Variants in SCARB2 observed in about 807,000 individuals in gnomAD.
The protein encoded by SCARB2 is lysosome membrane protein 2.
In SCARB2, 29 loss-of-function variants were observed where a neutral mutation model predicts 58.6. The ratio of observed to expected loss-of-function variants is 0.49; its 90% CI spans 0.37 to 0.67. SCARB2 has a LOEUF of 0.67. Among genes scored for constraint, SCARB2 ranks in the 30% least tolerant of loss-of-function variants. The pLI, the probability that SCARB2 is intolerant of heterozygous loss-of-function variation, is 0.00. For missense variants in SCARB2, 488 were observed against 578.5 expected (o/e 0.84, Z 1.60); for synonymous variants, 195 against 210.1 (o/e 0.93, Z 0.62).
At chr4:76,216,540 C>G (rs1023885031), upstream of SCARB2, among the ~76,000 whole-genome samples, 3 of 152,184 alleles carry the variant, frequency 2.0e-5, no homozygotes, top group African/African-American at 7.2e-5. Context: ...CTTCTTCTCT[C>G]TTGTCTGGGC....
Position 76,161,326 on chromosome 4 carries a change from A to T in SCARB2, c.*387T>A, listed in dbSNP as rs1417735343. 2 of 253,216 alleles carry T rather than the reference A, an allele frequency of 7.9e-6. No homozygotes were observed. The highest frequency in any genetic ancestry group is 1.8e-4 in the East Asian group (2 of 10,998). The allele number at this position is 253,216 out of a possible 1,614,324, so 15.7% of individuals were successfully genotyped here. A position where few individuals can be genotyped will look rare whatever the true frequency, so the allele number is the denominator to read the frequency against. ...AATGGTATATACGCATTTTGAGCAC[A>T]AAGTTCGGTGAATGAAGCATACTGA... is the stretch of plus-strand genomic sequence containing the variant. On this transcript the variant is annotated 3_prime_UTR_variant, in exon 12 of 12. Transcript: ENST00000264896.
intron 2 of SCARB2, among the ~76,000 whole-genome samples, chr4:76,189,603 C>T (rs1302415378): frequency 6.6e-6 from 1 of 152,000 alleles, no homozygotes; most frequent in Non-Finnish European, 1.5e-5. Flanking sequence ...CTGCCTTAGC[C>T]GGTGTGTGCC....
chr4:76,233,603 CAT>C (rs982087699), intron 1 of SCARB2, among the ~76,000 whole-genome samples: 1 of 126,294 alleles, frequency 7.9e-6, no homozygotes, highest in African/African-American at 2.9e-5. Flanking sequence ...CACACACACA[CAT>C]ATGTAACTGA....
Position 76,181,363 on chromosome 4 carries a change from C to CA in SCARB2, c.276-263dup, listed in dbSNP as rs558389770. Among the ~76,000 whole-genome samples the CA allele has an allele frequency of 1.8e-3, 270 of 152,256 alleles. 1 individual carries two copies. Among genetic ancestry groups the CA allele is most frequent in the Non-Finnish European group, 2.4e-3 (162 of 68,020 alleles). On this transcript the variant is annotated intron_variant, in intron 2 of 11. Coordinates refer to ENST00000264896, the MANE Select transcript of SCARB2 (RefSeq NM_005506.4). ...TTAGGGAGGTGCAATAGTTGAGGGT[C>CA]ACCTTGACCGGGAATCAAAGCCGAT...
chr4:76,179,351 G>A lies in SCARB2; in HGVS notation c.612+166C>T, dbSNP rs756390043. The A allele has an allele frequency of 2.2e-4, 139 of 627,726 alleles. 1 individual carries two copies. Among genetic ancestry groups the A allele is most frequent in the Non-Finnish European group, 2.3e-4 (83 of 356,244 alleles). 38.9% of individuals were successfully genotyped at this position (627,726 alleles called of 1,614,324 possible). A position where few individuals can be genotyped will look rare whatever the true frequency, so the allele number is the denominator to read the frequency against. ...TTACAGGCATTAGCCACCGCACCCG[G>A]CCTCAAGTTTTTTTTCTTTCCAAAA... On this transcript the variant is annotated intron_variant, in intron 4 of 11. Transcript: ENST00000264896.
chr4:76,174,428 A>C (rs1732203077), intron 6 of SCARB2, 115 bp from the exon 7 acceptor site: 5 of 878,572 alleles, frequency 5.7e-6, no homozygotes, highest in South Asian at 4.1e-5. Context: ...TCACAGGGTA[A>C]GTAGAAAGGA....
chr4:76,162,066 T>G (rs1407779587), intron 11 of SCARB2: 16 of 436,244 alleles, frequency 3.7e-5, no homozygotes, highest in Non-Finnish European at 6.4e-5. Context: ...TAAGGAGTAG[T>G]GTCTCAGAGG....
chr4:76,175,594 A>C, intron 6 of SCARB2, 197 bp downstream of exon 6: 5 of 664,218 alleles, frequency 7.5e-6, no homozygotes, highest in Non-Finnish European at 1.3e-5. Context: ...GGTAGAGCCA[A>C]GATTCAAACC....
chr4:76,167,082 A>G (rs974619398), intron 9 of SCARB2, among the ~76,000 whole-genome samples: 13 of 152,222 alleles, frequency 8.5e-5, no homozygotes, highest in Non-Finnish European at 1.8e-4. Flanking sequence ...TATCTAAAAA[A>G]TTCCCATTGA....
rs751827409 is a variant in SCARB2 at position 76,163,352 on chromosome 4, C to A, written c.1271G>T (p.Arg424Leu). Residue 424 changes from arginine to leucine, a missense_variant, in exon 11 of 12, where the codon CGA becomes CTA. Arg to Leu is a moderately radical substitution (Grantham distance 102). Coordinates refer to ENST00000264896, the MANE Select transcript of SCARB2 (RefSeq NM_005506.4). ...AGTAGTGTTAATCATAGACTTCAGTCGACTCGCCGTCTCTTTATCAATGTG... is the reference window on the plus strand; with the variant it reads ...AGTAGTGTTAATCATAGACTTCAGTAGACTCGCCGTCTCTTTATCAATGTG... ...SVHIDKETAS[R>L]LKSMINTTLI... The A allele has an allele frequency of 1.2e-6, 2 of 1,613,982 alleles. No individual in the cohort carries two copies. Among genetic ancestry groups the A allele is most frequent in the African/African-American group, 2.7e-5 (2 of 74,910 alleles).
Position 76,173,966 on chromosome 4 carries a change from G to A in SCARB2, c.994+178C>T, listed in dbSNP as rs537535206. The A allele has an allele frequency of 4.3e-4, 297 of 696,088 alleles. 4 individuals carry two copies. Among genetic ancestry groups the A allele is most frequent in the South Asian group, 3.7e-3 (212 of 57,596 alleles). The allele number at this position is 696,088 out of a possible 1,614,324, so 43.1% of individuals were successfully genotyped here. A position where few individuals can be genotyped will look rare whatever the true frequency, so the allele number is the denominator to read the frequency against. On this transcript the variant is annotated intron_variant, in intron 7 of 11. Coordinates refer to ENST00000264896, the MANE Select transcript of SCARB2 (RefSeq NM_005506.4). Reference sequence around the variant, plus strand: ...TTTGTTTTTTAGAGACAGTGGTCTCGCCATGTTGCCCAGGATGGACTTGAG... The same window carrying A: ...TTTGTTTTTTAGAGACAGTGGTCTCACCATGTTGCCCAGGATGGACTTGAG...
chr4:76,166,331 G>C, intron 9 of SCARB2, 30 bp from the exon 10 acceptor site: 1 of 1,607,190 alleles, frequency 6.2e-7, no homozygotes, highest in Non-Finnish European at 8.5e-7. Context: ...GATTGTTTCA[G>C]AAACATCCTC....
At chr4:76,221,655 CAG>C (rs1393056663) in intron 1 of SCARB2, among the ~76,000 whole-genome samples, 1 of 152,268 alleles carries the variant, frequency 6.6e-6, no homozygotes, top group East Asian at 1.9e-4. Context: ...ACTGCAAAAA[CAG>C]AGAAAAAATA....
chr4:76,167,681 CCGCT>C (rs1456400272), intron 9 of SCARB2, among the ~76,000 whole-genome samples: 5 of 121,128 alleles, frequency 4.1e-5, no homozygotes, highest in African/African-American at 1.9e-4. Context: ...CTCCCCCCCC[CCGCT>C]TTTTTTTTTT....
At chr4:76,169,056 G>A (rs1489659776) in intron 8 of SCARB2, among the ~76,000 whole-genome samples, 1 of 152,190 alleles carries the variant, frequency 6.6e-6, no homozygotes, top group Non-Finnish European at 1.5e-5. Context: ...CTGATCCAAG[G>A]GAACTGATCA....
intron 1 of SCARB2, among the ~76,000 whole-genome samples, chr4:76,225,411 C>A (rs1337913171): frequency 6.6e-6 from 1 of 152,164 alleles, no homozygotes; most frequent in Admixed American, 6.5e-5. Flanking sequence ...CTGGCTGGGA[C>A]TTCTAGTACA....
upstream of SCARB2, among the ~76,000 whole-genome samples, chr4:76,218,137 G>GCCCT (rs1733246497): frequency 6.6e-6 from 1 of 152,188 alleles, no homozygotes; most frequent in East Asian, 1.9e-4. Flanking sequence ...AATGGAAATG[G>GCCCT]CCCTAGGCCT....
chr4:76,201,159 C>G (rs1324049619), intron 1 of SCARB2, among the ~76,000 whole-genome samples: 2 of 152,126 alleles, frequency 1.3e-5, no homozygotes, highest in Admixed American at 1.3e-4. Context: ...CAGCCAGTGC[C>G]TTGGCCTGAG....
chr4:76,200,172 A>G (rs889626509), intron 1 of SCARB2, among the ~76,000 whole-genome samples: 48 of 152,296 alleles, frequency 3.2e-4, no homozygotes, highest in African/African-American at 1.2e-3. Context: ...GATCTTCCTC[A>G]CCGAGGGTTC....
Sources: gnomAD v4.1 joint callset for allele counts (sites outside exome capture counted in the v4.1 genomes callset) on GRCh38, gnomAD v4.1.1 for gene constraint, MANE v1.5 for transcripts, NCBI Gene and HGNC (gene_info 2026-07-23, HGNC 2026-07-21) for gene names.